Variants in MYO1D observed in about 807,000 individuals in gnomAD.
The protein encoded by MYO1D is myosin ID, also known as unconventional myosin-Id.
In MYO1D, 83 loss-of-function variants were observed where a neutral mutation model predicts 122.0. The ratio of observed to expected loss-of-function variants is 0.68; its 90% confidence interval spans 0.57 to 0.82. MYO1D has a LOEUF of 0.82. MYO1D is among the 40% of genes least tolerant of loss of function. The probability of loss-of-function intolerance (pLI) is 0.00; values close to 1 mark genes in which losing one functional copy is unlikely to be tolerated. For missense variants in MYO1D, 1,157 were observed against 1,269.5 expected (o/e 0.91, Z 1.35); for synonymous variants, 464 against 446.9 (o/e 1.04, Z -0.48).
intron 1 of MYO1D, among the ~76,000 whole-genome samples, chr17:32,809,526 C>T (rs2090551002): frequency 1.3e-5 from 2 of 151,762 alleles, no homozygotes; most frequent in African/African-American, 4.8e-5. Context: ...GCAGCCTCCA[C>T]TTGCTGGGTT....
chr17:32,767,326 T>C (rs2090068451), intron 7 of MYO1D, among the ~76,000 whole-genome samples: 1 of 152,230 alleles, frequency 6.6e-6, no homozygotes. Context: ...CAAATGCCAC[T>C]AGAAATTTAT....
chr17:32,560,556 T>A (rs1252239722), intron 21 of MYO1D, among the ~76,000 whole-genome samples: 1 of 114,130 alleles, frequency 8.8e-6, no homozygotes, highest in African/African-American at 3.2e-5. Flanking sequence ...TATATATATA[T>A]ATATATATAT....
Position 32,494,408 on chromosome 17 carries a change from G to A in MYO1D, c.*351C>T, listed in dbSNP as rs1909010896. ...ACCCCTTCCCTCTGCAGGGTCAGCA[G>A]CAGGGAGGACACCTGTCCAGGTGCT... is the stretch of plus-strand genomic sequence containing the variant. On this transcript the variant is annotated 3_prime_UTR_variant, in exon 22 of 22. Transcript: ENST00000318217. 3 of 227,020 alleles carry A rather than the reference G, an allele frequency of 1.3e-5. No individual in the cohort carries two copies. Among genetic ancestry groups the A allele is most frequent in the South Asian group, 1.5e-4 (2 of 13,278 alleles). 14.1% of individuals were successfully genotyped at this position (227,020 alleles called of 1,614,324 possible).
chr17:32,610,754 A>C (rs950627043), intron 20 of MYO1D, among the ~76,000 whole-genome samples: 4 of 152,210 alleles, frequency 2.6e-5, no homozygotes, highest in African/African-American at 7.2e-5. Context: ...ATCACTGAAA[A>C]TATAATTTTA....
chr17:32,802,366 C>T (rs1428194772), intron 1 of MYO1D, among the ~76,000 whole-genome samples: 1 of 152,108 alleles, frequency 6.6e-6, no homozygotes, highest in Non-Finnish European at 1.5e-5. Context: ...ATTGCTAATG[C>T]ATTAAAAACA....
chr17:32,523,665 G>A (rs1261049656), intron 21 of MYO1D, among the ~76,000 whole-genome samples: 2 of 151,916 alleles, frequency 1.3e-5, no homozygotes, highest in African/African-American at 2.4e-5. Flanking sequence ...CCCAGGCATG[G>A]TGGTGTGCAC....
intron 16 of MYO1D, among the ~76,000 whole-genome samples, chr17:32,687,005 A>ACACC: frequency 6.9e-6 from 1 of 145,754 alleles, no homozygotes; most frequent in Admixed American, 6.9e-5. Flanking sequence ...ACACACACAC[A>ACACC]CCAAAAAACA....
chr17:32,701,588 G>C (rs2089249660), intron 16 of MYO1D, among the ~76,000 whole-genome samples: 1 of 151,734 alleles, frequency 6.6e-6, no homozygotes, highest in African/African-American at 2.4e-5. Context: ...TTAGAGACAG[G>C]GTCACACTCT....
At chr17:32,622,016 G>C (rs1014292318) in intron 20 of MYO1D, among the ~76,000 whole-genome samples, 1 of 152,096 alleles carries the variant, frequency 6.6e-6, no homozygotes, top group African/African-American at 2.4e-5. Flanking sequence ...TAAGCCACTC[G>C]GTCTGTGGTT....
chr17:32,673,141 G>T (rs953751926), intron 16 of MYO1D, among the ~76,000 whole-genome samples: 1 of 82,386 alleles, frequency 1.2e-5, no homozygotes. Flanking sequence ...ACAGAGACTT[G>T]CTCTGTTGCC....
chr17:32,589,512 G>A (rs1009205761), intron 21 of MYO1D, among the ~76,000 whole-genome samples: 3 of 152,152 alleles, frequency 2.0e-5, no homozygotes, highest in East Asian at 1.9e-4. Flanking sequence ...GGTGCCTCTC[G>A]TCGGACCATG....
rs147184759 is a variant in MYO1D at position 32,578,738 on chromosome 17, G to A, written c.2864+26349C>T. Among the ~76,000 whole-genome samples, 124 of 152,240 alleles carry A rather than the reference G, an allele frequency of 8.1e-4. 3 individuals carry two copies. Among genetic ancestry groups the A allele is most frequent in the African/African-American group, 2.9e-3 (121 of 41,546 alleles). On this transcript the variant is annotated intron_variant, in intron 21 of 21. Coordinates refer to ENST00000318217, the MANE Select transcript of MYO1D (RefSeq NM_015194.3). ...TCTAGGGCTAGGTCTCCTTTAATGCGGAGGCATTTGACCTTGTTGTCTTCT... is the reference window on the plus strand; with the variant it reads ...TCTAGGGCTAGGTCTCCTTTAATGCAGAGGCATTTGACCTTGTTGTCTTCT...
intron 1 of MYO1D, among the ~76,000 whole-genome samples, chr17:32,807,639 T>C (rs2090528346): frequency 1.3e-5 from 2 of 152,198 alleles, no homozygotes; most frequent in African/African-American, 4.8e-5. Context: ...ACACACACAC[T>C]TCTGGGCCAA....
At chr17:32,802,860 C>T (rs1374644682) in intron 1 of MYO1D, among the ~76,000 whole-genome samples, 5 of 152,098 alleles carry the variant, frequency 3.3e-5, no homozygotes, top group Admixed American at 6.6e-5. Context: ...TCAAATGATG[C>T]TTCATCAAGT....
chr17:32,539,772 C>T (rs190487353), intron 21 of MYO1D, among the ~76,000 whole-genome samples: 15 of 152,280 alleles, frequency 9.9e-5, no homozygotes, highest in Admixed American at 2.6e-4. Context: ...ATAATATTCA[C>T]AGGTTCTAGG....
chr17:32,794,018 A>G (rs147118171), intron 1 of MYO1D, among the ~76,000 whole-genome samples: 2 of 152,342 alleles, frequency 1.3e-5, no homozygotes, highest in African/African-American at 4.8e-5. Context: ...CTTGAGACCC[A>G]TTGTTCAGCA....
intron 21 of MYO1D, among the ~76,000 whole-genome samples, chr17:32,513,672 C>T (rs1909778656): frequency 6.6e-6 from 1 of 152,300 alleles, no homozygotes; most frequent in Non-Finnish European, 1.5e-5. Context: ...AAAATCAGCA[C>T]TTACAATATT....
chr17:32,688,670 G>A (rs752540138), intron 16 of MYO1D, among the ~76,000 whole-genome samples: 10 of 152,188 alleles, frequency 6.6e-5, no homozygotes, highest in African/African-American at 9.7e-5. Flanking sequence ...CACAGGAGAC[G>A]TGGTTGGTTG....
intron 21 of MYO1D, chr17:32,504,417 G>A (rs986721703): frequency 5.3e-5 from 8 of 152,262 alleles, no homozygotes; most frequent in Non-Finnish European, 1.2e-4. Flanking sequence ...AAGGACAAAT[G>A]CGGTGAGGAT....
Sources: allele counts gnomAD v4.1 joint callset (sites outside exome capture counted in the v4.1 genomes callset), GRCh38; gene constraint gnomAD v4.1.1; transcripts MANE v1.5; gene names NCBI Gene and HGNC (gene_info 2026-07-23, HGNC 2026-07-21).